Variants in NDST3 observed in about 807,000 individuals in gnomAD.
The protein encoded by NDST3 is bifunctional heparan sulfate N-deacetylase/N-sulfotransferase 3.
NDST3 carries 58 observed loss-of-function variants against 96.1 expected under a neutral mutation model. The observed-to-expected ratio is 0.60, with a 90% CI of 0.49 to 0.75. NDST3 has a LOEUF of 0.75. Among genes scored for constraint, NDST3 ranks in the 30% least tolerant of loss-of-function variants. NDST3 has a pLI of 0.00. For missense variants in NDST3, 788 were observed against 1,034.2 expected (o/e 0.76, Z 3.27); for synonymous variants, 333 against 359.7 (o/e 0.93, Z 0.84).
chr4:118,081,736 T>G (rs548602326), intron 2 of NDST3, among the ~76,000 whole-genome samples: 1 of 152,214 alleles, frequency 6.6e-6, no homozygotes, highest in Non-Finnish European at 1.5e-5. Context: ...TACTTCCTGA[T>G]GCTTGTTACA....
At position 118,066,158 on chromosome 4, in the gene NDST3, ATTATATATTATATT is replaced by A. The variant is rs1467533555; in HGVS notation, c.981+11281_981+11294del. 6.7e-3 allele frequency among the ~76,000 whole-genome samples: 218 copies of A among 32,748 alleles called. 4 individuals are homozygous for A. Among genetic ancestry groups the A allele is most frequent in the African/African-American group, 0.015 (208 of 13,944 alleles). The allele number at this position is 32,748 out of a possible 152,430, so 21.5% of individuals were successfully genotyped here. ...ATAATATATTTTATATATTATATAT[ATTATATATTATATT>A]TTATATATTATATATCTTATATATT... is the stretch of plus-strand genomic sequence containing the variant. On this transcript the variant is annotated intron_variant, in intron 2 of 13. Coordinates refer to ENST00000296499, the MANE Select transcript of NDST3 (RefSeq NM_004784.3).
At chr4:118,177,661 T>G (rs879709770) in intron 6 of NDST3, among the ~76,000 whole-genome samples, 30 of 151,964 alleles carry the variant, frequency 2.0e-4, no homozygotes, top group Non-Finnish European at 4.3e-4. Context: ...GACTTATCAT[T>G]TAAGTCCTGG....
chr4:118,089,150 T>G (rs548983348), intron 2 of NDST3, among the ~76,000 whole-genome samples: 1 of 152,094 alleles, frequency 6.6e-6, no homozygotes, highest in East Asian at 1.9e-4. Context: ...CCTAAAGATA[T>G]AAATTTGGAA....
At chr4:118,165,999 G>A (rs1735522241) in intron 6 of NDST3, among the ~76,000 whole-genome samples, 2 of 150,784 alleles carry the variant, frequency 1.3e-5, no homozygotes, top group South Asian at 4.2e-4. Context: ...CTACCTCAGG[G>A]AAACTCAAGA....
chr4:118,206,024 G>A (rs1234530540), intron 6 of NDST3, among the ~76,000 whole-genome samples: 1 of 142,630 alleles, frequency 7.0e-6, no homozygotes, highest in African/African-American at 2.6e-5. Context: ...AGTAGAGACA[G>A]GGTTTCACCG....
intron 8 of NDST3, among the ~76,000 whole-genome samples, chr4:118,231,422 C>A (rs625546): frequency 0.81 from 121,278 of 149,536 alleles, 51,545 homozygotes; most frequent in South Asian, 0.95. Context: ...ATACTATCAT[C>A]TTAATACTAT....
chr4:118,192,949 G>A (rs1737409606), intron 6 of NDST3, among the ~76,000 whole-genome samples: 1 of 152,038 alleles, frequency 6.6e-6, no homozygotes, highest in Non-Finnish European at 1.5e-5. Context: ...GAGAAGAAAT[G>A]GTGTTTCTTC....
chr4:118,185,464 A>T (rs1257695682), intron 6 of NDST3, among the ~76,000 whole-genome samples: 4 of 149,634 alleles, frequency 2.7e-5, no homozygotes, highest in African/African-American at 9.8e-5. Context: ...TACATTTATT[A>T]TAAATTATAT....
At chr4:118,167,088 G>C (rs1408108913) in intron 6 of NDST3, among the ~76,000 whole-genome samples, 1 of 150,578 alleles carries the variant, frequency 6.6e-6, no homozygotes, top group Non-Finnish European at 1.5e-5. Flanking sequence ...GTAAATAAAA[G>C]AGTAAAATTA....
chr4:118,212,602 A>G (rs898588154), intron 6 of NDST3, among the ~76,000 whole-genome samples: 1 of 152,210 alleles, frequency 6.6e-6, no homozygotes. Flanking sequence ...TGATAATATC[A>G]TACAACATAG....
At chr4:118,216,627 T>C (rs1322318414) in intron 6 of NDST3, among the ~76,000 whole-genome samples, 2 of 151,932 alleles carry the variant, frequency 1.3e-5, no homozygotes, top group Non-Finnish European at 2.9e-5. Flanking sequence ...GGCAAAGACA[T>C]AAAGATATAG....
intron 1 of NDST3, among the ~76,000 whole-genome samples, chr4:118,039,268 A>G (rs1008001034): frequency 6.6e-6 from 1 of 152,200 alleles, no homozygotes; most frequent in African/African-American, 2.4e-5. Flanking sequence ...GGTCACTGCT[A>G]TTCACAATGT....
chr4:118,254,455 G>T (rs1741985262), intron 13 of NDST3, among the ~76,000 whole-genome samples: 2 of 152,090 alleles, frequency 1.3e-5, no homozygotes, highest in Non-Finnish European at 2.9e-5. Flanking sequence ...CACACACTTT[G>T]CAGTATGTAT....
chr4:118,088,419 C>A (rs1306968060), intron 2 of NDST3, among the ~76,000 whole-genome samples: 1 of 151,934 alleles, frequency 6.6e-6, no homozygotes, highest in East Asian at 1.9e-4. Flanking sequence ...TAATATGAAA[C>A]TCAAAATTAC....
chr4:118,052,675 C>G (rs1725146732), intron 1 of NDST3, among the ~76,000 whole-genome samples: 1 of 151,896 alleles, frequency 6.6e-6, no homozygotes, highest in African/African-American at 2.4e-5. Context: ...AAATATTGTT[C>G]AGTTGACAGA....
intron 6 of NDST3, among the ~76,000 whole-genome samples, chr4:118,155,580 A>G (rs1485697468): frequency 6.6e-6 from 1 of 152,314 alleles, no homozygotes; most frequent in South Asian, 2.1e-4. Context: ...ATTTATTTCA[A>G]TGTTTAATAT....
intron 12 of NDST3, among the ~76,000 whole-genome samples, chr4:118,243,005 T>C (rs780868579): frequency 2.6e-5 from 4 of 152,146 alleles, no homozygotes; most frequent in Non-Finnish European, 4.4e-5. Context: ...TTAGGAGAAT[T>C]ATATTTGTTC....
At chr4:118,189,350 C>T (rs1737160480) in intron 6 of NDST3, among the ~76,000 whole-genome samples, 1 of 152,146 alleles carries the variant, frequency 6.6e-6, no homozygotes, top group Admixed American at 6.5e-5. Context: ...AGCATCCAGC[C>T]AATAACTTGA....
In NDST3 at chr4:118,255,824, G is replaced by T. The variant is rs562537379; in HGVS notation, c.*112G>T. The T allele has an allele frequency of 5.2e-5, 65 of 1,248,872 alleles. No homozygotes were observed. The East Asian group carries it at 1.4e-3, about 27-fold the overall frequency. The allele number at this position is 1,248,872 out of a possible 1,614,324, so 77.4% of individuals were successfully genotyped here. A position where few individuals can be genotyped will look rare whatever the true frequency, so the allele number is the denominator to read the frequency against. Reference sequence around the variant, plus strand: ...ATATACCTCTTCAAATGAGAAAAAAGAACAGTTTCTTCCATGTGCTGGCAC... The same window carrying T: ...ATATACCTCTTCAAATGAGAAAAAATAACAGTTTCTTCCATGTGCTGGCAC... On this transcript the variant is annotated 3_prime_UTR_variant, in exon 14 of 14. Transcript: ENST00000296499.
Sources: gnomAD v4.1 joint callset for allele counts (sites outside exome capture counted in the v4.1 genomes callset) on GRCh38, gnomAD v4.1.1 for gene constraint, MANE v1.5 for transcripts, NCBI Gene and HGNC (gene_info 2026-07-23, HGNC 2026-07-21) for gene names.